PLSCR5: variants seen among roughly 807,000 people sequenced by gnomAD.
PLSCR5 encodes phospholipid scramblase family, member 5.
A neutral mutation model predicts 33.6 loss-of-function variants in PLSCR5; 44 were observed. That is an observed-to-expected ratio of 1.31 (90% CI 1.03 to 1.69). PLSCR5 has a LOEUF of 1.69. Among genes scored for constraint, PLSCR5 ranks in the 40% most tolerant of loss-of-function variants. The pLI, the probability that PLSCR5 is intolerant of heterozygous loss-of-function variation, is 0.00. For missense variants in PLSCR5, 375 were observed against 318.7 expected (o/e 1.18, Z -1.34); for synonymous variants, 148 against 112.3 (o/e 1.32, Z -2.01).
chr3:146,587,397 A>G (rs2032677771), intron 6 of PLSCR5, among the ~76,000 whole-genome samples: 1 of 152,240 alleles, frequency 6.6e-6, no homozygotes, highest in African/African-American at 2.4e-5. Flanking sequence ...TGTAGTTCCA[A>G]TTTTGGCAGT....
downstream of PLSCR5, among the ~76,000 whole-genome samples, chr3:146,583,603 C>A (rs1053105285): frequency 6.6e-6 from 1 of 152,154 alleles, no homozygotes; most frequent in Non-Finnish European, 1.5e-5. Flanking sequence ...ATCAATTTTA[C>A]CTTTAATAAG....
In PLSCR5 at chr3:146,600,258, A is replaced by G. The variant is rs374466260; in HGVS notation, c.189+30T>C. The G allele has an allele frequency of 1.5e-3, 2,164 of 1,417,284 alleles. 3 individuals are homozygous for G. The highest frequency in any genetic ancestry group is 1.9e-3 in the Non-Finnish European group (2,052 of 1,069,280). The allele number at this position is 1,417,284 out of a possible 1,614,324, so 87.8% of individuals were successfully genotyped here. ...TTTGTATTAATTTTAAGGGTAGAAC[A>G]TATCTGTAGTAATAGAAAGATAAAA... is the stretch of plus-strand genomic sequence containing the variant. On this transcript the variant is annotated intron_variant, in intron 2 of 7. Transcript: ENST00000443512.
chr3:146,598,549 T>C (rs2044782874), intron 2 of PLSCR5, among the ~76,000 whole-genome samples: 1 of 152,206 alleles, frequency 6.6e-6, no homozygotes, highest in African/African-American at 2.4e-5. Context: ...TGGGCTCATA[T>C]CTCTACTTAT....
chr3:146,605,096 A>G, intron 1 of PLSCR5, 104 bp downstream of exon 1: 2 of 1,168,618 alleles, frequency 1.7e-6, no homozygotes, highest in East Asian at 2.6e-5. Context: ...GTGACAAATG[A>G]CAGCTTTTAA....
Position 146,595,030 on chromosome 3 carries a change from A to G in PLSCR5, c.232+11T>C. The G allele has an allele frequency of 5.0e-6, 7 of 1,404,858 alleles. No individual in the cohort carries two copies. The highest frequency in any genetic ancestry group is 5.7e-6 in the Non-Finnish European group (6 of 1,055,888). The allele number at this position is 1,404,858 out of a possible 1,614,324, so 87.0% of individuals were successfully genotyped here. ...GTTTTAATAAATATGTAATATATAT[A>G]ATGCACTTACTTCCAAGCAGCTCCA... On this transcript the variant is annotated intron_variant, in intron 3 of 7. Transcript: ENST00000443512.
At chr3:146,585,378 G>A (rs10513294), downstream of PLSCR5, among the ~76,000 whole-genome samples, 39,557 of 151,792 alleles carry the variant, frequency 0.26, 5,162 homozygotes, top group African/African-American at 0.27. Flanking sequence ...TCTCTGGCAT[G>A]AGTAGGTATT....
chr3:146,604,642 T>C (rs540505004), intron 1 of PLSCR5, among the ~76,000 whole-genome samples: 1 of 152,222 alleles, frequency 6.6e-6, no homozygotes, highest in African/African-American at 2.4e-5. Context: ...AGAGTGTAAC[T>C]GGATTGTCTG....
At chr3:146,589,580 G>A in intron 6 of PLSCR5, 73 bp downstream of exon 6, 2 of 1,300,344 alleles carry the variant, frequency 1.5e-6, no homozygotes, top group Non-Finnish European at 2.1e-6. Context: ...GTGTAAATGG[G>A]ATAGGCTATA....
chr3:146,599,679 C>CTTTTT (rs34180865), intron 2 of PLSCR5, among the ~76,000 whole-genome samples: 1 of 139,200 alleles, frequency 7.2e-6, no homozygotes. Flanking sequence ...CTTTTCTTTT[C>CTTTTT]TTTTTTTTTT....
At chr3:146,594,881 C>A (rs2044745142) in intron 3 of PLSCR5, among the ~76,000 whole-genome samples, 160 bp downstream of exon 3, 1 of 152,060 alleles carries the variant, frequency 6.6e-6, no homozygotes, top group Non-Finnish European at 1.5e-5. Flanking sequence ...ATTTTACTTT[C>A]AGCTTTTAAT....
In PLSCR5 at chr3:146,594,149, A is replaced by G; in HGVS notation, c.233-9T>C. 1 of 1,574,250 alleles carries G rather than the reference A, an allele frequency of 6.4e-7. No homozygotes were observed. The highest frequency in any genetic ancestry group is 8.6e-7 in the Non-Finnish European group (1 of 1,157,262). ...CTCAGTACCAAGTATCACTAATGGA[A>G]CAAAAAAAAAATTATAAAAACATTT... On this transcript the variant is annotated splice_polypyrimidine_tract_variant and intron_variant, in intron 3 of 7. Coordinates refer to ENST00000443512, the MANE Select transcript of PLSCR5 (RefSeq NM_001085420.2).
At position 146,591,739 on chromosome 3, in the gene PLSCR5, A is replaced by G. The variant is rs772865264; in HGVS notation, c.596T>C (p.Phe199Ser). The G allele has an allele frequency of 2.5e-6, 4 of 1,610,756 alleles. No homozygotes were observed. In the South Asian group the frequency reaches 4.4e-5, roughly 18 times the overall value. ...IVGPCVTCGC[F>S]GDVDFEVKTI... ...TTGTACCTCAAAATCCACATCGCCA[A>G]AACAGCCACATGTCACACAAGGACC... The change falls in exon 5 of 8, where the codon TTT becomes TCT. Residue 199 changes from phenylalanine (F) to serine (S), a missense_variant. Phe to Ser is a radical substitution (Grantham distance 155). Coordinates refer to ENST00000443512, the MANE Select transcript of PLSCR5 (RefSeq NM_001085420.2).
intron 1 of PLSCR5, among the ~76,000 whole-genome samples, chr3:146,602,744 A>G (rs1257630187): frequency 6.6e-6 from 1 of 152,158 alleles, no homozygotes; most frequent in South Asian, 2.1e-4. Flanking sequence ...CTTGTAAATT[A>G]TGTTTGCTGT....
chr3:146,580,914 T>A (rs562871369), downstream of PLSCR5, among the ~76,000 whole-genome samples: 16 of 152,310 alleles, frequency 1.1e-4, no homozygotes, highest in East Asian at 3.1e-3. Context: ...GGGTGTAAAA[T>A]TCTCATCCTT....
chr3:146,604,755 G>GTATA (rs2044850047), intron 1 of PLSCR5, among the ~76,000 whole-genome samples: 2 of 151,870 alleles, frequency 1.3e-5, no homozygotes, highest in African/African-American at 4.8e-5. Flanking sequence ...TATCCCATAA[G>GTATA]TATATATACC....
At chr3:146,583,422 G>T (rs2044647043), downstream of PLSCR5, among the ~76,000 whole-genome samples, 1 of 152,122 alleles carries the variant, frequency 6.6e-6, no homozygotes, top group Non-Finnish European at 1.5e-5. Context: ...CTGTATTCTG[G>T]GGTTGTCCTG....
At chr3:146,586,202 G>A (rs566611124) in intron 6 of PLSCR5, 90 bp from the exon 7 acceptor site, 2 of 1,230,384 alleles carry the variant, frequency 1.6e-6, no homozygotes, top group South Asian at 3.6e-5. Flanking sequence ...ATTATGTAAA[G>A]CAATTATATT....
intron 6 of PLSCR5, among the ~76,000 whole-genome samples, chr3:146,586,375 T>TTA (rs1401436694): frequency 2.0e-5 from 3 of 152,172 alleles, no homozygotes; most frequent in Admixed American, 6.5e-5. Context: ...ATTATATGAT[T>TTA]TATCTGGAGA....
At chr3:146,583,237 A>T (rs1315611975), downstream of PLSCR5, among the ~76,000 whole-genome samples, 1 of 152,182 alleles carries the variant, frequency 6.6e-6, no homozygotes, top group Non-Finnish European at 1.5e-5. Context: ...TTGGATTAAA[A>T]GCTATCTCTT....
Sources: gnomAD v4.1 joint callset for allele counts (sites outside exome capture counted in the v4.1 genomes callset) on GRCh38, gnomAD v4.1.1 for gene constraint, MANE v1.5 for transcripts, NCBI Gene and HGNC (gene_info 2026-07-23, HGNC 2026-07-21) for gene names.